The following COL24A1 variants were observed in gnomAD, a reference collection of about 807,000 sequenced individuals.
COL24A1 encodes collagen type XXIV alpha 1 chain.
COL24A1 carries 224 observed loss-of-function variants against 253.9 expected under a neutral mutation model. The observed-to-expected ratio is 0.88, with a 90% CI of 0.79 to 0.99. The LOEUF is 0.99. COL24A1 is among the 50% of genes least tolerant of loss of function. The pLI, the probability that COL24A1 is intolerant of heterozygous loss-of-function variation, is 0.00. For missense variants in COL24A1, 2,131 were observed against 2,068.5 expected, an observed-to-expected ratio of 1.03 and a Z score of -0.59; for synonymous variants, 685 against 673.7, an observed-to-expected ratio of 1.02 and a Z score of -0.26.
chr1:85,862,015 A>G (rs980772727), intron 37 of COL24A1, among the ~76,000 whole-genome samples: 11 of 152,078 alleles, frequency 7.2e-5, no homozygotes, highest in African/African-American at 1.4e-4. Context: ...CCATGTCTCA[A>G]TGTAATTGTC....
intron 32 of COL24A1, among the ~76,000 whole-genome samples, chr1:85,887,488 T>TC (rs750056347): frequency 8.0e-4 from 122 of 151,840 alleles, no homozygotes; most frequent in African/African-American, 1.1e-3. Context: ...TTTTTTTTTT[T>TC]CAAGGGCAAG....
Position 85,952,449 on chromosome 1 carries a change from TCTG to T in COL24A1, c.2562+8797_2562+8799del, listed in dbSNP as rs1284745821. The stretch of plus-strand genomic sequence containing the variant: ...AAATATGTGAGAGCAACACAATTTG[TCTG>T]CTAATTTGAATCTGTTTTCTGATTT... On this transcript the variant is annotated intron_variant, in intron 24 of 59. Coordinates refer to ENST00000370571, the MANE Select transcript of COL24A1 (RefSeq NM_152890.7). 2.6e-5 allele frequency among the ~76,000 whole-genome samples: 4 copies of T among 152,262 alleles called. No homozygotes were observed. In the East Asian group the frequency reaches 7.7e-4, roughly 29 times the overall value.
At chr1:85,926,623 C>A (rs1017645708) in intron 24 of COL24A1, among the ~76,000 whole-genome samples, 1 of 151,522 alleles carries the variant, frequency 6.6e-6, no homozygotes, top group Non-Finnish European at 1.5e-5. Context: ...ACAATGAGTA[C>A]ACTTGGACAC....
chr1:85,917,946 G>C (rs752700843), intron 24 of COL24A1, among the ~76,000 whole-genome samples: 25 of 152,258 alleles, frequency 1.6e-4, no homozygotes, highest in Admixed American at 8.5e-4. Flanking sequence ...GACCTCAGGT[G>C]ATCTGCCCGC....
In COL24A1 at chr1:85,771,095, T is replaced by C. The variant is rs149123382; in HGVS notation, c.4374+4579A>G. Among the ~76,000 whole-genome samples the C allele has an allele frequency of 3.8e-3, 578 of 152,276 alleles. 4 individuals carry two copies. The highest frequency in any genetic ancestry group is 0.013 in the African/African-American group (534 of 41,560). Reference sequence around the variant, plus strand: ...TCAGATTTCACTGCAATCTACCACATAGGGTTTTTAAATTATTATTATTAT... The same window carrying C: ...TCAGATTTCACTGCAATCTACCACACAGGGTTTTTAAATTATTATTATTAT... On this transcript the variant is annotated intron_variant, in intron 53 of 59. Transcript: ENST00000370571.
chr1:85,792,599 T>A (rs1670404625), intron 47 of COL24A1, among the ~76,000 whole-genome samples: 1 of 151,362 alleles, frequency 6.6e-6, no homozygotes, highest in African/African-American at 2.4e-5. Context: ...CCTTAGCTGC[T>A]TGGGAAGCTG....
intron 1 of COL24A1, among the ~76,000 whole-genome samples, chr1:86,152,202 A>C (rs11161758): frequency 0.084 from 12,748 of 152,212 alleles, 626 homozygotes; most frequent in East Asian, 0.22. Context: ...AATTCAACTC[A>C]GGTGGTAGTT....
chr1:85,787,458 A>G (rs758675830), intron 47 of COL24A1, among the ~76,000 whole-genome samples: 26 of 151,834 alleles, frequency 1.7e-4, no homozygotes, highest in Non-Finnish European at 3.4e-4. Flanking sequence ...TAAGACCATG[A>G]TATGTTTGAT....
chr1:86,109,419 A>G (rs947363704), intron 5 of COL24A1, among the ~76,000 whole-genome samples: 8 of 152,218 alleles, frequency 5.3e-5, no homozygotes, highest in Non-Finnish European at 7.3e-5. Context: ...CACCATGTTA[A>G]GAGCTTTACT....
chr1:85,899,707 C>T (rs1191587597), intron 28 of COL24A1, among the ~76,000 whole-genome samples: 1 of 152,268 alleles, frequency 6.6e-6, no homozygotes, highest in East Asian at 1.9e-4. Flanking sequence ...TGGATAAAAT[C>T]AGATTAAGTG....
intron 47 of COL24A1, among the ~76,000 whole-genome samples, chr1:85,799,885 T>C (rs1671251734): frequency 1.3e-5 from 2 of 152,224 alleles, no homozygotes; most frequent in African/African-American, 2.4e-5. Flanking sequence ...AGTTAATTGC[T>C]TGCTAACGGC....
chr1:85,799,248 A>AAAG (rs376013377), intron 47 of COL24A1, among the ~76,000 whole-genome samples: 4 of 144,300 alleles, frequency 2.8e-5, no homozygotes, highest in African/African-American at 5.1e-5. Flanking sequence ...AGAAAGAAAG[A>AAAG]AAAGAAAAGA....
chr1:86,094,655 T>C (rs1017322266), intron 5 of COL24A1, among the ~76,000 whole-genome samples: 7 of 151,996 alleles, frequency 4.6e-5, no homozygotes, highest in African/African-American at 1.7e-4. Flanking sequence ...AAAGTTTGTC[T>C]TCCAGGTTGA....
chr1:86,027,953 C>G (rs532051266), intron 14 of COL24A1, among the ~76,000 whole-genome samples: 1 of 152,188 alleles, frequency 6.6e-6, no homozygotes, highest in Non-Finnish European at 1.5e-5. Context: ...ATGTGAGACA[C>G]GGAGTCAAAT....
chr1:86,103,191 G>A (rs1704629681), intron 5 of COL24A1, among the ~76,000 whole-genome samples: 1 of 151,864 alleles, frequency 6.6e-6, no homozygotes, highest in South Asian at 2.1e-4. Flanking sequence ...GTCCAAAATT[G>A]GGATTGCAAC....
chr1:85,830,615 A>C (rs1340313558), intron 43 of COL24A1, among the ~76,000 whole-genome samples: 1 of 152,068 alleles, frequency 6.6e-6, no homozygotes, highest in Non-Finnish European at 1.5e-5. Context: ...TGCGGGATAT[A>C]ATCTCCTGGT....
chr1:85,780,128 G>T (rs577680742), intron 52 of COL24A1, among the ~76,000 whole-genome samples: 8 of 152,168 alleles, frequency 5.3e-5, no homozygotes, highest in African/African-American at 1.9e-4. Flanking sequence ...ATCTTATATA[G>T]CTCCGAGTGG....
rs774312071 is a variant in COL24A1 at position 85,971,366 on chromosome 1, C to T, written c.2392G>A (p.Gly798Arg). 1.2e-5 allele frequency: 20 copies of T among 1,612,578 alleles called. No individual in the cohort carries two copies. Among genetic ancestry groups the T allele is most frequent in the Non-Finnish European group, 1.6e-5 (19 of 1,179,400 alleles). ...TGAGTTCCTTTGAGACCAGGAGGTC[C>T]AGGAGGTCCTCTATTTCCAAGGAGT... ...KGLLGNRGPPGPPGLKGTQGE... is the reference protein window; with the variant it reads ...KGLLGNRGPPRPPGLKGTQGE... Residue 798 changes from glycine to arginine, a missense_variant, in exon 21 of 60, where the codon GGA (glycine) becomes AGA (arginine). Transcript: ENST00000370571.
chr1:85,743,547 T>C (rs571194761), intron 57 of COL24A1, among the ~76,000 whole-genome samples: 69 of 152,264 alleles, frequency 4.5e-4, no homozygotes, highest in African/African-American at 1.5e-3. Flanking sequence ...ATGAAAGTAT[T>C]TGGGGGGCGT....
Sources: allele counts gnomAD v4.1 joint callset (sites outside exome capture counted in the v4.1 genomes callset), GRCh38; gene constraint gnomAD v4.1.1; transcripts MANE v1.5; gene names NCBI Gene and HGNC (gene_info 2026-07-23, HGNC 2026-07-21).